Variants in ITGA8 observed in about 807,000 individuals in gnomAD.
The protein encoded by ITGA8 is integrin subunit alpha 8, also known as integrin alpha-8.
Under a neutral mutation model 142.3 loss-of-function variants are expected in ITGA8, and 91 were observed. The ratio of observed to expected loss-of-function variants is 0.64; its 90% CI spans 0.54 to 0.76. The LOEUF (loss-of-function observed/expected upper bound fraction) is 0.76. ITGA8 is among the 30% of genes least tolerant of loss of function. The pLI is 0.00. For missense variants in ITGA8, 1,406 were observed against 1,327.7 expected, an observed-to-expected ratio of 1.06 and a Z score of -0.92; for synonymous variants, 505 against 485.2, an observed-to-expected ratio of 1.04 and a Z score of -0.54.
At chr10:15,681,225 T>C (rs1437612555) in intron 4 of ITGA8, among the ~76,000 whole-genome samples, 5 of 152,216 alleles carry the variant, frequency 3.3e-5, no homozygotes, top group Non-Finnish European at 7.3e-5. Context: ...TGCTGATGTT[T>C]CCTGTTCTGG....
At chr10:15,546,219 C>T (rs569908747) in intron 27 of ITGA8, among the ~76,000 whole-genome samples, 14 of 152,264 alleles carry the variant, frequency 9.2e-5, no homozygotes, top group Admixed American at 3.3e-4. Flanking sequence ...ACTTTCTTCC[C>T]GGCACTGATG....
chr10:15,537,039 G>A (rs911951426), intron 27 of ITGA8, among the ~76,000 whole-genome samples: 1 of 152,142 alleles, frequency 6.6e-6, no homozygotes, highest in Non-Finnish European at 1.5e-5. Flanking sequence ...ACTTTCACCT[G>A]TAAAGGAAAT....
At chr10:15,651,076 G>C (rs1324611761) in intron 11 of ITGA8, among the ~76,000 whole-genome samples, 1 of 151,910 alleles carries the variant, frequency 6.6e-6, no homozygotes, top group Non-Finnish European at 1.5e-5. Context: ...TTTAAATTTG[G>C]CTCCTTTTGG....
chr10:15,693,747 C>T (rs1039108863), intron 2 of ITGA8, among the ~76,000 whole-genome samples: 1 of 152,150 alleles, frequency 6.6e-6, no homozygotes, highest in Non-Finnish European at 1.5e-5. Context: ...ATATATTCCC[C>T]TTCTCCTGCA....
At chr10:15,559,760 G>A (rs558612606) in intron 25 of ITGA8, among the ~76,000 whole-genome samples, 2 of 148,764 alleles carry the variant, frequency 1.3e-5, no homozygotes, top group Admixed American at 6.8e-5. Context: ...ACTTATAAGT[G>A]GGAGTTGAAC....
chr10:15,616,603 A>T, intron 13 of ITGA8, 44 bp from the exon 14 acceptor site: 1 of 1,538,550 alleles, frequency 6.5e-7, no homozygotes, highest in Non-Finnish European at 9.0e-7. Flanking sequence ...AATCGTATAG[A>T]AACAATTTAC....
chr10:15,702,483 G>T (rs914723153), intron 2 of ITGA8, among the ~76,000 whole-genome samples: 6 of 152,070 alleles, frequency 3.9e-5, no homozygotes, highest in African/African-American at 1.4e-4. Context: ...TAGAGATGGG[G>T]TTTCACCATG....
At chr10:15,633,851 G>T (rs917816757) in intron 13 of ITGA8, among the ~76,000 whole-genome samples, 10 of 152,130 alleles carry the variant, frequency 6.6e-5, no homozygotes, top group African/African-American at 1.9e-4. Context: ...TAATACAAAG[G>T]GTTGTCAAAA....
chr10:15,568,196 T>G (rs1351845247), intron 25 of ITGA8, among the ~76,000 whole-genome samples: 3 of 152,168 alleles, frequency 2.0e-5, no homozygotes, highest in African/African-American at 7.2e-5. Flanking sequence ...AGAGTTGGGA[T>G]CATAGGCACG....
chr10:15,665,120 A>C (rs1053205870), intron 8 of ITGA8, among the ~76,000 whole-genome samples: 3 of 152,162 alleles, frequency 2.0e-5, no homozygotes, highest in African/African-American at 7.2e-5. Context: ...GAACTAGTTT[A>C]CAGTTCCACC....
rs536295931 is a variant in ITGA8, at chr10:15,620,305, A to T, written c.1400-3746T>A. 3.5e-3 allele frequency among the ~76,000 whole-genome samples: 127 copies of T among 36,296 alleles called. 1 individual carries two copies. In the East Asian group the frequency reaches 0.069, roughly 20 times the overall value. The allele number at this position is 36,296 out of a possible 152,430, so 23.8% of individuals were successfully genotyped here. A position where few individuals can be genotyped will look rare whatever the true frequency, so the allele number is the denominator to read the frequency against. On this transcript the variant is annotated intron_variant, in intron 13 of 29. Transcript: ENST00000378076. ...TTTGCATGTATACTTGAAGGTGTTG[A>T]GATACACACACACACACACACACAC...
intron 13 of ITGA8, among the ~76,000 whole-genome samples, chr10:15,628,806 T>C (rs962879973): frequency 6.6e-6 from 1 of 151,966 alleles, no homozygotes; most frequent in Admixed American, 6.5e-5. Flanking sequence ...GACACATTTG[T>C]TGTGTGTATC....
At chr10:15,582,578 C>T (rs947654652) in intron 23 of ITGA8, among the ~76,000 whole-genome samples, 3 of 151,984 alleles carry the variant, frequency 2.0e-5, no homozygotes, top group East Asian at 3.9e-4. Context: ...TTCTACAACT[C>T]GATAATAAGG....
chr10:15,681,581 T>C (rs1834738497), intron 4 of ITGA8, among the ~76,000 whole-genome samples: 1 of 152,210 alleles, frequency 6.6e-6, no homozygotes, highest in Non-Finnish European at 1.5e-5. Context: ...CTGCATTTCA[T>C]GTGCTGTATT....
intron 27 of ITGA8, among the ~76,000 whole-genome samples, chr10:15,547,766 T>C (rs912026242): frequency 1.3e-5 from 2 of 152,120 alleles, no homozygotes; most frequent in African/African-American, 2.4e-5. Context: ...TCTAGAACAA[T>C]CTCCCCTTTC....
chr10:15,641,498 A>G (rs1833870901), intron 13 of ITGA8, among the ~76,000 whole-genome samples: 1 of 152,178 alleles, frequency 6.6e-6, no homozygotes, highest in South Asian at 2.1e-4. Flanking sequence ...GGCTTCTTTG[A>G]ATGGCATTCT....
chr10:15,544,515 C>T (rs1417354966), intron 27 of ITGA8, among the ~76,000 whole-genome samples: 5 of 152,156 alleles, frequency 3.3e-5, no homozygotes, highest in Non-Finnish European at 5.9e-5. Context: ...GTTGCATCAG[C>T]CCCAAGAAAT....
chr10:15,562,715 A>G (rs968240405), intron 25 of ITGA8, among the ~76,000 whole-genome samples: 1 of 152,198 alleles, frequency 6.6e-6, no homozygotes, highest in African/African-American at 2.4e-5. Flanking sequence ...AGTGGCAGAA[A>G]CCCTGGGAGG....
Position 15,613,068 on chromosome 10 carries a change from C to T in ITGA8, c.1553+592G>A, listed in dbSNP as rs1005518454. Among the ~76,000 whole-genome samples, 57 of 151,974 alleles carry T rather than the reference C, an allele frequency of 3.8e-4. 2 individuals are homozygous for T. The highest frequency in any genetic ancestry group is 3.8e-4 in the Non-Finnish European group (26 of 67,982). On this transcript the variant is annotated intron_variant, in intron 15 of 29. Coordinates refer to ENST00000378076, the MANE Select transcript of ITGA8 (RefSeq NM_003638.3). ...TCCAGCTACTCAGGAGGCTGAGACACGAGAATCGCTTGGACCTGGGAGGTG... is the reference window on the plus strand; with the variant it reads ...TCCAGCTACTCAGGAGGCTGAGACATGAGAATCGCTTGGACCTGGGAGGTG...
Sources: allele counts gnomAD v4.1 joint callset (sites outside exome capture counted in the v4.1 genomes callset), GRCh38; gene constraint gnomAD v4.1.1; transcripts MANE v1.5; gene names NCBI Gene and HGNC (gene_info 2026-07-23, HGNC 2026-07-21).